Variants in IGF2BP3 observed in about 807,000 individuals in gnomAD.
The protein encoded by IGF2BP3 is insulin like growth factor 2 mRNA binding protein 3.
Under a neutral mutation model 73.8 loss-of-function variants are expected in IGF2BP3, and 9 were observed. The observed-to-expected ratio is 0.12, with a 90% CI of 0.07 to 0.21. The LOEUF (loss-of-function observed/expected upper bound fraction) is 0.21, where lower values mean the gene tolerates loss of function less well. Ranked by LOEUF, IGF2BP3 falls within the 10% of genes least tolerant of loss-of-function variation. The pLI is 1.00. For missense variants in IGF2BP3, 542 were observed against 714.0 expected (o/e 0.76, Z 2.75); for synonymous variants, 258 against 256.7 (o/e 1.01, Z -0.05).
At chr7:23,372,131 T>C (rs928248336) in intron 3 of IGF2BP3, among the ~76,000 whole-genome samples, 3 of 151,996 alleles carry the variant, frequency 2.0e-5, no homozygotes, top group Admixed American at 2.0e-4. Context: ...TGGAGTGCAG[T>C]GGCACGATCT....
intron 10 of IGF2BP3, among the ~76,000 whole-genome samples, chr7:23,335,064 C>A (rs1395657552): frequency 7.4e-5 from 7 of 94,900 alleles, no homozygotes; most frequent in South Asian, 7.1e-4. Flanking sequence ...ATATTGAAGT[C>A]TTTAACATTA....
At chr7:23,356,000 G>C (rs569023321) in intron 5 of IGF2BP3, among the ~76,000 whole-genome samples, 26 of 151,216 alleles carry the variant, frequency 1.7e-4, no homozygotes, top group African/African-American at 6.3e-4. Flanking sequence ...CCTCAATAGA[G>C]ACAATAAATA....
intron 3 of IGF2BP3, among the ~76,000 whole-genome samples, chr7:23,366,633 C>T (rs1282325434): frequency 6.6e-6 from 1 of 151,428 alleles, no homozygotes; most frequent in African/African-American, 2.4e-5. Context: ...AATCTTGGTA[C>T]CTAGCTGTGG....
intron 3 of IGF2BP3, among the ~76,000 whole-genome samples, chr7:23,409,389 G>C (rs1390153302): frequency 6.6e-6 from 1 of 152,192 alleles, no homozygotes; most frequent in Non-Finnish European, 1.5e-5. Context: ...GAATTTTTGT[G>C]TATAGACTTG....
At chr7:23,361,767 T>G (rs747380652) in intron 3 of IGF2BP3, 26 bp from the exon 4 acceptor site, 2 of 1,585,422 alleles carry the variant, frequency 1.3e-6, no homozygotes, top group South Asian at 1.2e-5. Flanking sequence ...GAGAAAATTA[T>G]AAATTTTGAG....
At chr7:23,355,632 T>A (rs1215432525) in intron 5 of IGF2BP3, among the ~76,000 whole-genome samples, 1 of 152,048 alleles carries the variant, frequency 6.6e-6, no homozygotes, top group African/African-American at 2.4e-5. Context: ...TTTAAATGTA[T>A]TGATAAGAAG....
At chr7:23,432,843 T>C (rs1227680064) in intron 2 of IGF2BP3, among the ~76,000 whole-genome samples, 2 of 152,210 alleles carry the variant, frequency 1.3e-5, no homozygotes, top group African/African-American at 4.8e-5. Flanking sequence ...TTTCACCACG[T>C]TGCCCAGACT....
chr7:23,338,976 G>T (rs896052230), intron 10 of IGF2BP3, among the ~76,000 whole-genome samples: 1 of 152,228 alleles, frequency 6.6e-6, no homozygotes, highest in Non-Finnish European at 1.5e-5. Flanking sequence ...CTGGAATTCT[G>T]CAAAGAACAC....
chr7:23,330,294 AAAAT>A (rs1170188672), intron 10 of IGF2BP3, among the ~76,000 whole-genome samples: 2 of 149,696 alleles, frequency 1.3e-5, no homozygotes, highest in African/African-American at 4.9e-5. Flanking sequence ...TCAAAAAAAT[AAAAT>A]AAAATAATGT....
intron 10 of IGF2BP3, among the ~76,000 whole-genome samples, chr7:23,336,553 G>A (rs941674897): frequency 7.3e-5 from 11 of 151,500 alleles, no homozygotes; most frequent in African/African-American, 2.2e-4. Context: ...TCACCCAGGC[G>A]GGAGTGCAGT....
intron 10 of IGF2BP3, among the ~76,000 whole-genome samples, chr7:23,329,613 C>A (rs1456318546): frequency 6.6e-6 from 1 of 152,052 alleles, no homozygotes; most frequent in African/African-American, 2.4e-5. Context: ...TTTATGATAC[C>A]TTTGAATACT....
intron 2 of IGF2BP3, among the ~76,000 whole-genome samples, chr7:23,464,904 G>C (rs916968380): frequency 1.3e-5 from 2 of 151,954 alleles, no homozygotes; most frequent in Non-Finnish European, 2.9e-5. Context: ...AATATGCTTA[G>C]GTTCTTCATC....
At chr7:23,414,185 A>G (rs1787118031) in intron 3 of IGF2BP3, 1 of 152,100 alleles carries the variant, frequency 6.6e-6, no homozygotes, top group Non-Finnish European at 1.5e-5. Context: ...CAGTATCTTC[A>G]TCTGCCATAA....
chr7:23,380,718 A>G (rs1479975600), intron 3 of IGF2BP3, among the ~76,000 whole-genome samples: 1 of 152,242 alleles, frequency 6.6e-6, no homozygotes, highest in East Asian at 1.9e-4. Context: ...CCAATGACTA[A>G]TATCCTTTTA....
rs368967486 is a variant in IGF2BP3, at chr7:23,347,721, G to A, written c.697C>T (p.Arg233Cys). 2.5e-6 allele frequency: 4 copies of A among 1,613,818 alleles called. No homozygotes were observed. Among genetic ancestry groups the A allele is most frequent in the South Asian group, 1.1e-5 (1 of 91,074 alleles). Residue 233 changes from arginine to cysteine, a missense_variant, in exon 7 of 15, where the codon CGT (arginine) becomes TGT (cysteine). Around this residue, in one of 2 missense-constraint regions of IGF2BP3, gnomAD observed 303 missense variants for 472.1 expected, o/e 0.64. Transcript: ENST00000258729. ...KQTQSKIDVHRKENAGAAEKS... is the reference protein window; with the variant it reads ...KQTQSKIDVHCKENAGAAEKS... ...TCAGCAGCCCCCGCATTTTCTTTACGGTGGACATCGATTCTGATAGTGGGC... is the reference window on the plus strand; with the variant it reads ...TCAGCAGCCCCCGCATTTTCTTTACAGTGGACATCGATTCTGATAGTGGGC...
At chr7:23,368,207 GAAT>G (rs1387356515) in intron 3 of IGF2BP3, among the ~76,000 whole-genome samples, 3 of 151,936 alleles carry the variant, frequency 2.0e-5, no homozygotes, top group Non-Finnish European at 4.4e-5. Context: ...TTGTACAATG[GAAT>G]ATTATTCAAC....
At chr7:23,368,727 G>A (rs541727758) in intron 3 of IGF2BP3, among the ~76,000 whole-genome samples, 8 of 151,938 alleles carry the variant, frequency 5.3e-5, no homozygotes, top group South Asian at 2.1e-4. Flanking sequence ...GAGAAACCTC[G>A]CACCTACTAA....
At chr7:23,425,407 G>T (rs972485821) in intron 2 of IGF2BP3, among the ~76,000 whole-genome samples, 5 of 152,100 alleles carry the variant, frequency 3.3e-5, no homozygotes, top group African/African-American at 2.4e-5. Context: ...TAAGAGATAG[G>T]ATCTTGCTCT....
chr7:23,367,894 G>A (rs1012049549), intron 3 of IGF2BP3, among the ~76,000 whole-genome samples: 1 of 152,006 alleles, frequency 6.6e-6, no homozygotes, highest in African/African-American at 2.4e-5. Context: ...CCAGCTACTC[G>A]GGAGGCTGAG....
Sources: gnomAD v4.1 joint callset for allele counts (sites outside exome capture counted in the v4.1 genomes callset) on GRCh38, gnomAD v4.1.1 for gene constraint, gnomAD v4.1.1 regional missense constraint, MANE v1.5 for transcripts, NCBI Gene and HGNC (gene_info 2026-07-23, HGNC 2026-07-21) for gene names.